SLC13A3: variants seen among roughly 807,000 people sequenced by gnomAD.
SLC13A3 encodes solute carrier family 13 member 3.
SLC13A3 carries 40 observed loss-of-function variants against 59.0 expected under a neutral mutation model. The observed-to-expected ratio is 0.68, with a 90% CI of 0.53 to 0.88. SLC13A3 has a LOEUF of 0.88. Ranked by LOEUF, SLC13A3 falls within the 40% of genes least tolerant of loss-of-function variation. The pLI is 0.00. For missense variants in SLC13A3, 699 were observed against 783.2 expected (o/e 0.89, Z 1.28); for synonymous variants, 317 against 330.3 (o/e 0.96, Z 0.44).
In SLC13A3 at chr20:46,559,751, G is replaced by A. The variant is rs1383828140; in HGVS notation, c.*271C>T. ...ACTGTTGATGACACTGGGCTGTCTT[G>A]TATCCTAATGATAAAACAGCTAACT... On this transcript the variant is annotated 3_prime_UTR_variant, in exon 13 of 13. Transcript: ENST00000279027. 9.7e-6 allele frequency: 4 copies of A among 410,972 alleles called. No individual in the cohort carries two copies. The highest frequency in any genetic ancestry group is 1.8e-5 in the Non-Finnish European group (4 of 224,328). The allele number at this position is 410,972 out of a possible 1,614,324, so 25.5% of individuals were successfully genotyped here.
intron 4 of SLC13A3, among the ~76,000 whole-genome samples, 178 bp downstream of exon 4, chr20:46,599,793 A>T (rs1037890068): frequency 2.0e-5 from 3 of 151,932 alleles, no homozygotes; most frequent in African/African-American, 7.3e-5. Context: ...ATTTTTTTTT[A>T]AATGAGGCTG....
At chr20:46,675,386 C>G (rs928033099) in intron 1 of SLC13A3, among the ~76,000 whole-genome samples, 1 of 148,808 alleles carries the variant, frequency 6.7e-6, no homozygotes, top group African/African-American at 2.5e-5. Context: ...CATGCTGCCA[C>G]GCCCAGCTAA....
At chr20:46,627,748 T>A (rs1196059346) in intron 1 of SLC13A3, among the ~76,000 whole-genome samples, 2 of 152,146 alleles carry the variant, frequency 1.3e-5, no homozygotes, top group Non-Finnish European at 2.9e-5. Flanking sequence ...AACCGACATA[T>A]TGTATATGTG....
chr20:46,597,449 T>G (rs139246771), intron 4 of SLC13A3, among the ~76,000 whole-genome samples: 17 of 152,342 alleles, frequency 1.1e-4, no homozygotes, highest in Admixed American at 2.6e-4. Context: ...TTATTTTTCA[T>G]TTTTGAGACA....
At chr20:46,583,903 T>A (rs2062165055) in intron 8 of SLC13A3, 1 of 985,394 alleles carries the variant, frequency 1.0e-6, no homozygotes, top group Non-Finnish European at 1.2e-6. Context: ...AATGCTTATC[T>A]TCCCAACTCA....
intron 1 of SLC13A3, among the ~76,000 whole-genome samples, chr20:46,679,907 C>CAA (rs60329236): frequency 4.5e-4 from 45 of 100,694 alleles, no homozygotes; most frequent in African/African-American, 6.3e-4. Context: ...GACTCTGTCT[C>CAA]AAAAAAAAAA....
At chr20:46,621,646 T>A (rs541165713) in intron 1 of SLC13A3, among the ~76,000 whole-genome samples, 22 of 152,342 alleles carry the variant, frequency 1.4e-4, no homozygotes, top group African/African-American at 5.1e-4. Context: ...GAGTACATTC[T>A]GCACGGACAG....
At chr20:46,585,089 T>C in intron 8 of SLC13A3, 2 of 917,108 alleles carry the variant, frequency 2.2e-6, no homozygotes, top group Non-Finnish European at 2.6e-6. Flanking sequence ...TTCTGTAGAG[T>C]ACTATGCAGT....
chr20:46,567,336 C>T (rs2061989947), intron 10 of SLC13A3, among the ~76,000 whole-genome samples: 1 of 152,106 alleles, frequency 6.6e-6, no homozygotes, highest in South Asian at 2.1e-4. Context: ...GGGGACCAGG[C>T]ACCTGCAGGC....
At chr20:46,637,891 G>A (rs2062809856) in intron 1 of SLC13A3, among the ~76,000 whole-genome samples, 1 of 152,120 alleles carries the variant, frequency 6.6e-6, no homozygotes, top group South Asian at 2.1e-4. Context: ...GGTGATTCAG[G>A]GGGACATACC....
At chr20:46,644,114 G>C (rs928602305) in intron 1 of SLC13A3, among the ~76,000 whole-genome samples, 1 of 152,188 alleles carries the variant, frequency 6.6e-6, no homozygotes, top group African/African-American at 2.4e-5. Context: ...GAGGGGGATG[G>C]AAGTGCTCAT....
At chr20:46,588,419 G>T (rs114293782) in intron 7 of SLC13A3, among the ~76,000 whole-genome samples, 1 of 152,202 alleles carries the variant, frequency 6.6e-6, no homozygotes, top group South Asian at 2.1e-4. Flanking sequence ...CCCCGAAATC[G>T]CGTGTTTCAT....
chr20:46,582,134 T>A (rs202389), intron 9 of SLC13A3, among the ~76,000 whole-genome samples: 17,642 of 151,612 alleles, frequency 0.12, 1,166 homozygotes, highest in Non-Finnish European at 0.13. Flanking sequence ...ACAAAAAAAA[T>A]TTTTTTGAGA....
chr20:46,583,971 T>C (rs894277837), intron 8 of SLC13A3: 3 of 985,230 alleles, frequency 3.0e-6, no homozygotes, highest in African/African-American at 3.5e-5. Context: ...CCGCAGAATA[T>C]TGGAGTCCTT....
At chr20:46,560,236 T>G (rs773140191) in intron 12 of SLC13A3, 38 bp from the exon 13 acceptor site, 4 of 1,591,542 alleles carry the variant, frequency 2.5e-6, no homozygotes, top group African/African-American at 1.3e-5. Flanking sequence ...GGTCAGCACC[T>G]GACCCACCAT....
At chr20:46,668,661 C>T (rs148030738) in intron 1 of SLC13A3, among the ~76,000 whole-genome samples, 1 of 152,198 alleles carries the variant, frequency 6.6e-6, no homozygotes, top group Non-Finnish European at 1.5e-5. Context: ...CTACACTGAA[C>T]AACAGATTTT....
chr20:46,599,924 C>A, intron 4 of SLC13A3, 47 bp downstream of exon 4: 1 of 1,389,598 alleles, frequency 7.2e-7, no homozygotes, highest in East Asian at 2.5e-5. Flanking sequence ...TTCATCATCT[C>A]CTTGAATCAA....
chr20:46,604,788 C>G (rs190583606), intron 3 of SLC13A3, among the ~76,000 whole-genome samples: 2 of 152,332 alleles, frequency 1.3e-5, no homozygotes, highest in East Asian at 1.9e-4. Flanking sequence ...ATGCACGAGG[C>G]CAGGGTCCAG....
chr20:46,581,918 C>A (rs959705156), intron 9 of SLC13A3, among the ~76,000 whole-genome samples: 4 of 152,202 alleles, frequency 2.6e-5, no homozygotes, highest in Non-Finnish European at 5.9e-5. Flanking sequence ...TCCTGTTCAA[C>A]TGCAGAGTAC....
Sources: allele counts gnomAD v4.1 joint callset (sites outside exome capture counted in the v4.1 genomes callset), GRCh38; gene constraint gnomAD v4.1.1; transcripts MANE v1.5; gene names NCBI Gene and HGNC (gene_info 2026-07-23, HGNC 2026-07-21).